CDIN1: variants seen among roughly 807,000 people sequenced by gnomAD.
CDIN1 encodes CDAN1-interacting nuclease 1.
In CDIN1, 33 loss-of-function variants were observed where a neutral mutation model predicts 45.3. That is an observed-to-expected ratio of 0.73 (90% CI 0.55 to 0.97). The LOEUF (loss-of-function observed/expected upper bound fraction) is 0.97, where lower values mean the gene tolerates loss of function less well. CDIN1 is among the 50% of genes least tolerant of loss of function. The pLI is 0.00. For missense variants in CDIN1, 303 were observed against 339.4 expected, an observed-to-expected ratio of 0.89 and a Z score of 0.84; for synonymous variants, 118 against 124.4, an observed-to-expected ratio of 0.95 and a Z score of 0.34.
intron 1 of CDIN1, among the ~76,000 whole-genome samples, chr15:36,622,462 G>C (rs1353543736): frequency 6.6e-6 from 1 of 152,184 alleles, no homozygotes; most frequent in Non-Finnish European, 1.5e-5. Flanking sequence ...ATGGGGAGCA[G>C]GGCCCAGCAG....
intron 1 of CDIN1, among the ~76,000 whole-genome samples, chr15:36,620,976 A>G (rs1486998092): frequency 6.6e-6 from 1 of 152,250 alleles, no homozygotes; most frequent in Non-Finnish European, 1.5e-5. Flanking sequence ...ATAATTTCTC[A>G]GTGAATCAAG....
chr15:36,695,719 C>G (rs1319393153), intron 7 of CDIN1, among the ~76,000 whole-genome samples: 1 of 152,054 alleles, frequency 6.6e-6, no homozygotes, highest in Non-Finnish European at 1.5e-5. Flanking sequence ...TGGTCACAGG[C>G]ACCTGTAATT....
chr15:36,701,122 G>GTAGGTAGATAGATAGA (rs1221792455), intron 8 of CDIN1, among the ~76,000 whole-genome samples: 1 of 103,806 alleles, frequency 9.6e-6, no homozygotes, highest in African/African-American at 4.8e-5. Flanking sequence ...AGATAGGTAG[G>GTAGGTAGATAGATAGA]TAGATAGATA....
intron 1 of CDIN1, among the ~76,000 whole-genome samples, chr15:36,635,092 C>T (rs903002132): frequency 3.3e-5 from 5 of 152,036 alleles, no homozygotes; most frequent in African/African-American, 1.2e-4. Flanking sequence ...TATAAATATC[C>T]CAAGCTTTGG....
At chr15:36,761,963 C>T (rs1231535693) in intron 10 of CDIN1, among the ~76,000 whole-genome samples, 1 of 152,132 alleles carries the variant, frequency 6.6e-6, no homozygotes, top group Non-Finnish European at 1.5e-5. Flanking sequence ...TCCTTGTATA[C>T]TGAAATGGGG....
rs566057110 is a variant in CDIN1, at chr15:36,582,070, A to G, written c.101+2109A>G. Among the ~76,000 whole-genome samples the G allele has an allele frequency of 8.5e-5, 13 of 152,356 alleles. No homozygotes were observed. In the South Asian group the frequency reaches 2.1e-3, roughly 24 times the overall value. On this transcript the variant is annotated intron_variant, in intron 1 of 10. Transcript: ENST00000566621. Reference sequence around the variant, plus strand: ...TGGTGATGGATATGAGCATTCCAGTATTTGAATTTTCCCTTGAAAGCTCAA... The same window carrying G: ...TGGTGATGGATATGAGCATTCCAGTGTTTGAATTTTCCCTTGAAAGCTCAA...
At chr15:36,697,450 T>C (rs2140753919) in intron 8 of CDIN1, 60 bp downstream of exon 8, 1 of 1,349,940 alleles carries the variant, frequency 7.4e-7, no homozygotes, top group Non-Finnish European at 1.0e-6. Context: ...TAAATATATA[T>C]TTTAAAAATC....
chr15:36,735,954 A>G (rs2044002360), intron 10 of CDIN1, among the ~76,000 whole-genome samples: 1 of 152,242 alleles, frequency 6.6e-6, no homozygotes, highest in African/African-American at 2.4e-5. Context: ...TATTTGGGAA[A>G]AAAGTTACTA....
intron 10 of CDIN1, among the ~76,000 whole-genome samples, chr15:36,751,463 G>C (rs112490137): frequency 6.6e-6 from 1 of 151,478 alleles, no homozygotes; most frequent in Non-Finnish European, 1.5e-5. Flanking sequence ...GGAGGCCAAG[G>C]TGTGTGGATC....
At chr15:36,580,418 C>G (rs1021963470) in intron 1 of CDIN1, among the ~76,000 whole-genome samples, 1 of 152,136 alleles carries the variant, frequency 6.6e-6, no homozygotes, top group Non-Finnish European at 1.5e-5. Context: ...TTGACTGTGG[C>G]TTGTACTGTT....
intron 10 of CDIN1, among the ~76,000 whole-genome samples, chr15:36,727,423 G>GCCTCATAATAAACTCTTTTCA (rs1300600796): frequency 1.3e-5 from 2 of 151,918 alleles, no homozygotes; most frequent in Non-Finnish European, 2.9e-5. Context: ...CAAGATGGCA[G>GCCTCATAATAAACTCTTTTCA]CCTCATAATA....
intron 1 of CDIN1, among the ~76,000 whole-genome samples, chr15:36,612,667 C>T: frequency 6.6e-6 from 1 of 152,106 alleles, no homozygotes; most frequent in South Asian, 2.1e-4. Context: ...TCTTTACTTC[C>T]CTGGTTCTGG....
At chr15:36,750,552 T>G (rs955848105) in intron 10 of CDIN1, among the ~76,000 whole-genome samples, 1 of 152,130 alleles carries the variant, frequency 6.6e-6, no homozygotes, top group South Asian at 2.1e-4. Context: ...GTCTCTGATG[T>G]GTGGGATGGA....
chr15:36,583,852 TA>T (rs1236355158), intron 1 of CDIN1, among the ~76,000 whole-genome samples: 1 of 151,994 alleles, frequency 6.6e-6, no homozygotes, highest in Non-Finnish European at 1.5e-5. Context: ...CCGTCTCTAC[TA>T]AAAATACAGA....
rs2039026984 is a variant in CDIN1, at chr15:36,618,967, A to G, written c.102-25311A>G. 3 of 1,543,514 alleles carry G rather than the reference A, an allele frequency of 1.9e-6. No individual in the cohort carries two copies. The South Asian group carries it at 3.6e-5, about 18-fold the overall frequency. ...GTTAAGTTATGCTGAAGTGTGCCAG[A>G]AGCCCCCTAAAGAGCCATCTTCAGT... On this transcript the variant is annotated intron_variant, in intron 1 of 10. Transcript: ENST00000566621.
intron 10 of CDIN1, among the ~76,000 whole-genome samples, chr15:36,785,352 A>G (rs1434749307): frequency 6.6e-6 from 1 of 152,218 alleles, no homozygotes; most frequent in Non-Finnish European, 1.5e-5. Flanking sequence ...TGTGTTAACC[A>G]AAGAGTCCGG....
At chr15:36,629,418 T>A (rs1384076794) in intron 1 of CDIN1, among the ~76,000 whole-genome samples, 1 of 152,206 alleles carries the variant, frequency 6.6e-6, no homozygotes, top group Non-Finnish European at 1.5e-5. Context: ...TTGGTGCTAT[T>A]TTTAAGACTA....
intron 4 of CDIN1, among the ~76,000 whole-genome samples, chr15:36,655,604 C>A (rs564891587): frequency 6.6e-6 from 1 of 152,260 alleles, no homozygotes; most frequent in East Asian, 1.9e-4. Context: ...GGATTACAGG[C>A]GTGAGCCACC....
At chr15:36,600,890 G>A (rs1038233050) in intron 1 of CDIN1, among the ~76,000 whole-genome samples, 5 of 152,122 alleles carry the variant, frequency 3.3e-5, no homozygotes, top group Admixed American at 6.6e-5. Context: ...AACATTTGTA[G>A]ATAGACTTTT....
Sources: allele counts gnomAD v4.1 joint callset (sites outside exome capture counted in the v4.1 genomes callset), GRCh38; gene constraint gnomAD v4.1.1; transcripts MANE v1.5; gene names NCBI Gene and HGNC (gene_info 2026-07-23, HGNC 2026-07-21).